The following C1QTNF3 variants were observed in gnomAD, a reference collection of about 807,000 sequenced individuals.
The protein encoded by C1QTNF3 is complement C1q tumor necrosis factor-related protein 3.
In C1QTNF3, 26 loss-of-function variants were observed where a neutral mutation model predicts 32.6. The ratio of observed to expected loss-of-function variants is 0.80; its 90% confidence interval spans 0.58 to 1.11. The LOEUF is 1.11. Ranked by LOEUF, C1QTNF3 falls within the 50% of genes least tolerant of loss-of-function variation. C1QTNF3 has a pLI of 0.00. For synonymous variants in C1QTNF3, 155 were observed against 146.0 expected (o/e 1.06, Z -0.44); for missense variants, 362 against 398.2 (o/e 0.91, Z 0.77).
chr5:34,024,701 G>C (rs533110374), intron 4 of C1QTNF3, among the ~76,000 whole-genome samples: 1 of 152,160 alleles, frequency 6.6e-6, no homozygotes, highest in South Asian at 2.1e-4. Flanking sequence ...AAGAGCCTAG[G>C]GCTCCTAATT....
intron 3 of C1QTNF3, among the ~76,000 whole-genome samples, chr5:34,031,966 C>G (rs374250409): frequency 6.6e-6 from 1 of 152,198 alleles, no homozygotes; most frequent in African/African-American, 2.4e-5. Context: ...CCACCATACA[C>G]GCACAAATGA....
At chr5:34,225,674 A>T in the C1QTNF3 span, among the ~76,000 whole-genome samples, 17,148 of 150,462 alleles carry the variant, frequency 0.11, 2,593 homozygotes, top group African/African-American at 0.35. Context: ...ATTTTTTTTT[A>T]GAAATTCTGA....
At chr5:34,029,481 G>C (rs1158833532) in intron 3 of C1QTNF3, among the ~76,000 whole-genome samples, 7 of 152,072 alleles carry the variant, frequency 4.6e-5, no homozygotes, top group African/African-American at 1.7e-4. Context: ...TACACTTTGA[G>C]AATTCTTGAT....
chr5:34,210,212 T>C, the C1QTNF3 span, among the ~76,000 whole-genome samples: 1 of 152,042 alleles, frequency 6.6e-6, no homozygotes, highest in Non-Finnish European at 1.5e-5. Flanking sequence ...ATTTGTTGAA[T>C]GACTTTAAAG....
At chr5:34,113,646 CTACAT>C in the C1QTNF3 span, among the ~76,000 whole-genome samples, 2 of 151,836 alleles carry the variant, frequency 1.3e-5, no homozygotes, top group African/African-American at 2.4e-5. Context: ...TGGAAAATTT[CTACAT>C]TACATCTTTA....
chr5:34,044,041 C>T (rs2112128141), upstream of C1QTNF3, among the ~76,000 whole-genome samples: 1 of 152,226 alleles, frequency 6.6e-6, no homozygotes, highest in East Asian at 1.9e-4. Context: ...AATTCGAGGC[C>T]AGCCTGGGCA....
At chr5:34,240,583 A>G in the C1QTNF3 span, among the ~76,000 whole-genome samples, 1 of 151,700 alleles carries the variant, frequency 6.6e-6, no homozygotes, top group Non-Finnish European at 1.5e-5. Flanking sequence ...AGATACTGAA[A>G]TACTGAAGAG....
chr5:34,073,143 C>T, the C1QTNF3 span, among the ~76,000 whole-genome samples: 95 of 152,096 alleles, frequency 6.2e-4, no homozygotes, highest in African/African-American at 2.1e-3. Context: ...CTGGCTAACA[C>T]GGTGAAACCC....
At chr5:34,103,389 A>T in the C1QTNF3 span, among the ~76,000 whole-genome samples, 1 of 149,966 alleles carries the variant, frequency 6.7e-6, no homozygotes, top group Non-Finnish European at 1.5e-5. Flanking sequence ...GCAGCCTCAA[A>T]CTCCTGGCCT....
the C1QTNF3 span, among the ~76,000 whole-genome samples, chr5:34,211,099 T>G: frequency 1.3e-5 from 2 of 151,146 alleles, no homozygotes; most frequent in Non-Finnish European, 1.5e-5. Flanking sequence ...GAAACATCAC[T>G]CTATATTGTA....
chr5:34,113,994 C>G, the C1QTNF3 span, among the ~76,000 whole-genome samples: 1 of 152,158 alleles, frequency 6.6e-6, no homozygotes, highest in Non-Finnish European at 1.5e-5. Context: ...GCTTTGCGAT[C>G]TTCAATGGAA....
At chr5:34,139,493 C>T in the C1QTNF3 span, among the ~76,000 whole-genome samples, 2 of 151,984 alleles carry the variant, frequency 1.3e-5, no homozygotes. Context: ...AACTTAACCA[C>T]TTTAACCAAT....
At chr5:34,146,577 TATTTAATAAGTAGTGCTGGG>T in the C1QTNF3 span, among the ~76,000 whole-genome samples, 2 of 152,210 alleles carry the variant, frequency 1.3e-5, no homozygotes, top group Non-Finnish European at 2.9e-5. Flanking sequence ...TAGGACTACT[TATTTAATAAGTAGTGCTGGG>T]ATAGTTGGCT....
the C1QTNF3 span, among the ~76,000 whole-genome samples, chr5:34,131,544 A>G: frequency 8.5e-5 from 13 of 152,188 alleles, no homozygotes; most frequent in Non-Finnish European, 1.6e-4. Flanking sequence ...TAAACACTGC[A>G]TGTTCTCACT....
chr5:34,025,126 G>A (rs1008094813), intron 4 of C1QTNF3, among the ~76,000 whole-genome samples: 2 of 152,300 alleles, frequency 1.3e-5, no homozygotes, highest in Non-Finnish European at 2.9e-5. Flanking sequence ...AAAGGAAATG[G>A]CCTAAAAGTT....
At chr5:34,124,753 A>T in the C1QTNF3 span, among the ~76,000 whole-genome samples, 7 of 152,230 alleles carry the variant, frequency 4.6e-5, no homozygotes, top group Non-Finnish European at 8.8e-5. Flanking sequence ...TTTATATTCA[A>T]GGACAAGTGA....
chr5:34,093,749 T>C, the C1QTNF3 span, among the ~76,000 whole-genome samples: 2 of 151,780 alleles, frequency 1.3e-5, no homozygotes, highest in African/African-American at 4.8e-5. Context: ...TTCTACACCT[T>C]AGAGTGGTGT....
intron 1 of C1QTNF3, among the ~76,000 whole-genome samples, chr5:34,035,959 G>A (rs1754726424): frequency 6.7e-6 from 1 of 149,428 alleles, no homozygotes; most frequent in South Asian, 2.1e-4. Context: ...AAAGGAAAAG[G>A]CAACAAGAAA....
the C1QTNF3 span, among the ~76,000 whole-genome samples, chr5:34,056,603 C>CCCGGGCTCAAGTGATCCT: frequency 6.6e-6 from 1 of 151,330 alleles, no homozygotes; most frequent in African/African-American, 2.4e-5. Flanking sequence ...GCCTTGACCT[C>CCCGGGCTCAAGTGATCCT]CCGGGCTCAA....
Sources: allele counts gnomAD v4.1 joint callset (sites outside exome capture counted in the v4.1 genomes callset), GRCh38; gene constraint gnomAD v4.1.1; transcripts MANE v1.5; gene names NCBI Gene and HGNC (gene_info 2026-07-23, HGNC 2026-07-21).